Variants in HELQ observed in about 807,000 individuals in gnomAD.
The protein encoded by HELQ is helicase, POLQ like.
Under a neutral mutation model 111.6 loss-of-function variants are expected in HELQ, and 77 were observed. That is an observed-to-expected ratio of 0.69 (90% CI 0.57 to 0.83). HELQ has a LOEUF of 0.83. Among genes scored for constraint, HELQ ranks in the 40% least tolerant of loss-of-function variants. The pLI, the probability that HELQ is intolerant of heterozygous loss-of-function variation, is 0.00. For synonymous variants in HELQ, 438 were observed against 454.7 expected (o/e 0.96, Z 0.47); for missense variants, 1,200 against 1,288.5 (o/e 0.93, Z 1.05).
At chr4:83,451,130 G>T (rs1047569492) in intron 2 of HELQ, among the ~76,000 whole-genome samples, 4 of 152,210 alleles carry the variant, frequency 2.6e-5, no homozygotes, top group Admixed American at 2.0e-4. Flanking sequence ...GAGGTAAAAA[G>T]ATTTAAAAAG....
chr4:83,455,389 C>G lies in HELQ; in HGVS notation c.297+8G>C. On this transcript the variant is annotated splice_region_variant and intron_variant, in intron 1 of 17. Transcript: ENST00000295488. ...AGTTTGCAGTTTCAAGTTCCAAGTC[C>G]TCCGTACCTGGTCTCCCACCCCTCT... 6.2e-7 allele frequency: 1 copy of G among 1,607,758 alleles called. No individual in the cohort carries two copies. Among genetic ancestry groups the G allele is most frequent in the Non-Finnish European group, 8.5e-7 (1 of 1,174,608 alleles).
chr4:83,453,103 G>A, intron 2 of HELQ, 128 bp downstream of exon 2: 1 of 624,720 alleles, frequency 1.6e-6, no homozygotes, highest in Non-Finnish European at 2.8e-6. Context: ...GGGGCTGAGA[G>A]ATCACTGATC....
At chr4:83,409,143 T>C (rs983277725) in intron 17 of HELQ, among the ~76,000 whole-genome samples, 2 of 152,164 alleles carry the variant, frequency 1.3e-5, no homozygotes, top group African/African-American at 4.8e-5. Context: ...ACTTTGCTAC[T>C]CTGACAGAAG....
At position 83,455,607 on chromosome 4, in the gene HELQ, G is replaced by A. The variant is rs745668245; in HGVS notation, c.87C>T (p.Pro29=). The change falls in exon 1 of 18, where the codon CCC becomes CCT. Residue 29 remains proline (P), a synonymous_variant. Transcript: ENST00000295488. ...RPSLGCIFGA[P]TAAELVPGDE... is the part of the protein sequence containing the mutation. ...CTCCGGGCACGAGCTCGGCCGCGGT[G>A]GGAGCGCCAAAAATACACCCCAAGC... 6.2e-7 allele frequency: 1 copy of A among 1,613,994 alleles called. No homozygotes were observed. The highest frequency in any genetic ancestry group is 1.1e-5 in the South Asian group (1 of 91,066).
intron 2 of HELQ, among the ~76,000 whole-genome samples, chr4:83,452,943 T>C (rs1417206336): frequency 6.6e-6 from 1 of 151,970 alleles, no homozygotes; most frequent in East Asian, 1.9e-4. Context: ...GAATCTGACT[T>C]GCTAACAACT....
In HELQ at chr4:83,434,287, C is replaced by T. The variant is rs1347331715; in HGVS notation, c.2049-2020G>A. On this transcript the variant is annotated intron_variant, in intron 9 of 17. Coordinates refer to ENST00000295488, the MANE Select transcript of HELQ (RefSeq NM_133636.5). ...TTGGGAGGCTGAGGCAGGAGAATCG[C>T]TTGAACCCAGGAGACAGAGGTTGCA... Among the ~76,000 whole-genome samples, 9 of 152,138 alleles carry T rather than the reference C, an allele frequency of 5.9e-5. No homozygotes were observed. In the South Asian group the frequency reaches 1.7e-3, roughly 28 times the overall value.
rs1426740181 is a variant in HELQ at position 83,453,899 on chromosome 4, GT to G, written c.343del (p.Thr115LeufsTer6). The G allele has an allele frequency of 1.1e-5, 17 of 1,613,610 alleles. No homozygotes were observed. Among genetic ancestry groups the G allele is most frequent in the Non-Finnish European group, 1.4e-5 (17 of 1,179,812 alleles). On this transcript the variant is annotated frameshift_variant, in exon 2 of 18. Transcript: ENST00000295488. LOFTEE classifies it high-confidence loss of function. ...AACTTGAGCTATAAAGGAGTTTTCA[GT>G]AAAGCTATCATAGTCACCAAACATG... Reference protein sequence around the residue: ...VDMFGDYDSFTENSFIAQVDD... With the variant: ...VDMFGDYDSFXENSFIAQVDD...
In HELQ at chr4:83,437,002, G is replaced by A. The variant is rs777477369; in HGVS notation, c.1904C>T (p.Thr635Ile). The A allele has an allele frequency of 1.2e-6, 2 of 1,614,138 alleles. No individual in the cohort carries two copies. The highest frequency in any genetic ancestry group is 2.2e-5 in the South Asian group (2 of 91,078). ...GTGATAGGCAACTCCAAATGGGATAGTGCGCTTTAAAACAGGACACAGGTT... is the reference window on the plus strand; with the variant it reads ...GTGATAGGCAACTCCAAATGGGATAATGCGCTTTAAAACAGGACACAGGTT... ...NGNLCPVLKR[T>I]IPFGVAYHHS... Residue 635 changes from threonine to isoleucine, a missense_variant, in exon 9 of 18, where the codon ACT becomes ATT. By Grantham distance (89) the Thr-to-Ile change is moderately conservative. Coordinates refer to ENST00000295488, the MANE Select transcript of HELQ (RefSeq NM_133636.5).
chr4:83,449,155 C>T (rs1290250324), intron 2 of HELQ, among the ~76,000 whole-genome samples, 194 bp from the exon 3 acceptor site: 1 of 152,202 alleles, frequency 6.6e-6, no homozygotes, highest in Non-Finnish European at 1.5e-5. Flanking sequence ...TAGTTCAGGC[C>T]TAGGCAGCAA....
At chr4:83,435,497 C>T (rs1720400865) in intron 9 of HELQ, among the ~76,000 whole-genome samples, 1 of 151,700 alleles carries the variant, frequency 6.6e-6, no homozygotes, top group Non-Finnish European at 1.5e-5. Context: ...ATACAGATAT[C>T]TTCAACTATG....
rs1720675892 is a variant in HELQ, at chr4:83,439,862, C to A, written c.1808+1G>T. 6.4e-7 allele frequency: 1 copy of A among 1,559,872 alleles called. No individual in the cohort carries two copies. The highest frequency in any genetic ancestry group is 1.4e-5 in the African/African-American group (1 of 72,746). On this transcript the variant is annotated splice_donor_variant, in intron 8 of 17. Transcript: ENST00000295488. LOFTEE classifies it high-confidence loss of function. ...AGGCTATTTAAAAAATATTAACATA[C>A]TTGCTTAAAAATTTGCATATCATTT...
chr4:83,416,199 C>T lies in HELQ; in HGVS notation c.3198+532G>A, dbSNP rs1196475549. Among the ~76,000 whole-genome samples, 5 of 149,626 alleles carry T rather than the reference C, an allele frequency of 3.3e-5. No individual in the cohort carries two copies. In the South Asian group the frequency reaches 8.6e-4, roughly 26 times the overall value. ...CTGACCTCAGGTAATCCACCTGCCT[C>T]GGCCTCCCAAAGTGCTGGGATTACA... On this transcript the variant is annotated intron_variant, in intron 17 of 17. Coordinates refer to ENST00000295488, the MANE Select transcript of HELQ (RefSeq NM_133636.5).
intron 1 of HELQ, among the ~76,000 whole-genome samples, chr4:83,454,271 T>C (rs144807448): frequency 6.6e-6 from 1 of 152,294 alleles, no homozygotes; most frequent in Non-Finnish European, 1.5e-5. Flanking sequence ...GTACCAAGTA[T>C]ATAATTATAT....
chr4:83,408,189 C>A (rs1738889471), intron 17 of HELQ, among the ~76,000 whole-genome samples: 1 of 152,152 alleles, frequency 6.6e-6, no homozygotes, highest in Non-Finnish European at 1.5e-5. Context: ...ATATCAAGAA[C>A]CTCAAATTAC....
chr4:83,407,626 C>T, intron 17 of HELQ, 66 bp from the exon 18 acceptor site: 1 of 959,384 alleles, frequency 1.0e-6, no homozygotes, highest in Non-Finnish European at 1.7e-6. Flanking sequence ...ACAATTTTAC[C>T]ACTGTCCATT....
chr4:83,449,015 CAA>C (rs750428482), intron 2 of HELQ, 54 bp from the exon 3 acceptor site: 3 of 1,308,156 alleles, frequency 2.3e-6, no homozygotes, highest in South Asian at 1.4e-5. Context: ...CTTTGAAACT[CAA>C]AAGTTTTCTA....
At position 83,453,560 on chromosome 4, in the gene HELQ, T is replaced by C. The variant is rs1721525614; in HGVS notation, c.683A>G (p.His228Arg). 2.5e-6 allele frequency: 4 copies of C among 1,613,470 alleles called. No individual in the cohort carries two copies. The South Asian group carries it at 4.4e-5, about 18-fold the overall frequency. Residue 228 changes from histidine to arginine, a missense_variant, in exon 2 of 18, where the codon CAC becomes CGC. By Grantham distance (29) the His-to-Arg change is conservative (BLOSUM62 0). Around this residue, in one of 3 missense-constraint regions of HELQ, gnomAD observed 610 missense variants for 607.1 expected, o/e 1.00. Coordinates refer to ENST00000295488, the MANE Select transcript of HELQ (RefSeq NM_133636.5). ...GGGCAGTTCCTCATTCACAGTGTTG[T>C]GAGAGGATGACTTCCAATCCCTTTC... Reference protein sequence around the residue: ...MKERDWKSSSHNTVNEELPHN... With the variant: ...MKERDWKSSSRNTVNEELPHN...
chr4:83,450,031 A>C (rs1418658958), intron 2 of HELQ, among the ~76,000 whole-genome samples: 2 of 151,860 alleles, frequency 1.3e-5, no homozygotes, highest in Non-Finnish European at 2.9e-5. Context: ...TGGTAGTATT[A>C]CTTTTGGGAT....
chr4:83,412,609 T>G (rs1469136518), intron 17 of HELQ, among the ~76,000 whole-genome samples: 3 of 152,190 alleles, frequency 2.0e-5, no homozygotes, highest in East Asian at 3.8e-4. Flanking sequence ...AAGGATTGCT[T>G]GAGGCCCGGA....
Sources: allele counts gnomAD v4.1 joint callset (sites outside exome capture counted in the v4.1 genomes callset), GRCh38; gene constraint gnomAD v4.1.1; regional missense constraint gnomAD v4.1.1; transcripts MANE v1.5; gene names NCBI Gene and HGNC (gene_info 2026-07-23, HGNC 2026-07-21).